NRG3: variants seen among roughly 807,000 people sequenced by gnomAD.
The protein encoded by NRG3 is neuregulin 3, also known as pro-neuregulin-3, membrane-bound isoform.
Under a neutral mutation model 66.9 loss-of-function variants are expected in NRG3, and 31 were observed. The observed-to-expected ratio is 0.46, with a 90% CI of 0.35 to 0.63. The LOEUF is 0.63. NRG3 is among the 20% of genes least tolerant of loss of function. The pLI is 0.00. For synonymous variants in NRG3, 393 were observed against 359.4 expected (o/e 1.09, Z -1.06); for missense variants, 910 against 878.9 (o/e 1.04, Z -0.45).
chr10:82,126,854 AT>A (rs1269752558), intron 1 of NRG3, among the ~76,000 whole-genome samples: 1 of 152,002 alleles, frequency 6.6e-6, no homozygotes, highest in African/African-American at 2.4e-5. Context: ...AGGGAGGCCT[AT>A]TTTGCTGGTT....
chr10:82,775,953 C>T lies in NRG3; in HGVS notation c.1027+37303C>T, dbSNP rs149679860. 2.9e-3 allele frequency among the ~76,000 whole-genome samples: 441 copies of T among 152,210 alleles called. 1 individual carries two copies. Among genetic ancestry groups the T allele is most frequent in the African/African-American group, 0.01 (425 of 41,542 alleles). ...TGACTTTTAACCTTCATAGTAGACACTTGAAATATTTACACATTGTCATTG... is the reference window on the plus strand; with the variant it reads ...TGACTTTTAACCTTCATAGTAGACATTTGAAATATTTACACATTGTCATTG... On this transcript the variant is annotated intron_variant, in intron 3 of 8. Coordinates refer to ENST00000372141, the MANE Select transcript of NRG3 (RefSeq NM_001010848.4).
chr10:82,420,661 C>A (rs1281252632), intron 2 of NRG3, among the ~76,000 whole-genome samples: 3 of 152,078 alleles, frequency 2.0e-5, no homozygotes, highest in Non-Finnish European at 4.4e-5. Context: ...ACCTCATCAT[C>A]CCACATCCAG....
chr10:82,897,109 T>C (rs1843726941), intron 4 of NRG3, among the ~76,000 whole-genome samples: 1 of 152,220 alleles, frequency 6.6e-6, no homozygotes, highest in African/African-American at 2.4e-5. Context: ...ATGGTTTGAA[T>C]GAAGCAAAAT....
rs889671743 is a variant in NRG3 at position 82,553,627 on chromosome 10, C to T, written c.954-184950C>T. On this transcript the variant is annotated intron_variant, in intron 2 of 8. Coordinates refer to ENST00000372141, the MANE Select transcript of NRG3 (RefSeq NM_001010848.4). ...ATAGAAGTGCCTTCATAGCTGAATG[C>T]GAAAGAATCCATGGACACTTATTTG... 5.9e-5 allele frequency among the ~76,000 whole-genome samples: 9 copies of T among 152,096 alleles called. No homozygotes were observed. The South Asian group carries it at 6.2e-4, about 11-fold the overall frequency.
At chr10:82,945,025 A>G (rs1011769103) in intron 4 of NRG3, among the ~76,000 whole-genome samples, 1 of 152,186 alleles carries the variant, frequency 6.6e-6, no homozygotes, top group Non-Finnish European at 1.5e-5. Context: ...ACAAGTCCCC[A>G]TGGACTAATT....
At position 82,202,339 on chromosome 10, in the gene NRG3, A is replaced by C. The variant is rs1234922930; in HGVS notation, c.824-156400A>C. Among the ~76,000 whole-genome samples the C allele has an allele frequency of 2.6e-5, 4 of 152,286 alleles. No homozygotes were observed. The East Asian group carries it at 7.7e-4, about 29-fold the overall frequency. On this transcript the variant is annotated intron_variant, in intron 1 of 8. Coordinates refer to ENST00000372141, the MANE Select transcript of NRG3 (RefSeq NM_001010848.4). ...GAATTTTAGTACATAGTTATTCCAG[A>C]TCATCATCTTATGGATTGAGGGGGT...
At chr10:82,719,790 G>C (rs1428653233) in intron 2 of NRG3, among the ~76,000 whole-genome samples, 5 of 152,248 alleles carry the variant, frequency 3.3e-5, no homozygotes, top group Middle Eastern at 3.4e-3. Context: ...TTCTTCAGCT[G>C]TGTAGTCAAT....
At chr10:82,629,793 G>T (rs1019435086) in intron 2 of NRG3, among the ~76,000 whole-genome samples, 2 of 152,178 alleles carry the variant, frequency 1.3e-5, no homozygotes, top group Non-Finnish European at 2.9e-5. Flanking sequence ...AGTTGGGATA[G>T]ATCTGTGAAG....
chr10:81,875,851 C>T lies in NRG3; in HGVS notation c.511C>T (p.His171Tyr). The change falls in exon 1 of 9, where the codon CAC becomes TAC. Residue 171 changes from histidine (H) to tyrosine (Y), a missense_variant. Physicochemically the swap from His to Tyr is moderately conservative, Grantham distance 83. Coordinates refer to ENST00000372141, the MANE Select transcript of NRG3 (RefSeq NM_001010848.4). This position sits in a 1 kb window ranked among gnomAD's most constrained non-coding sequence, Gnocchi z 5.3. ...ITRAPTRFPG[H>Y]RVPIRASPRS... ...GCGGGCGCCCACTCGCTTCCCCGGG[C>T]ACCGGGTGCCCATCCGGGCCAGCCC... The T allele has an allele frequency of 1.2e-6, 2 of 1,609,714 alleles. No individual in the cohort carries two copies. The highest frequency in any genetic ancestry group is 2.2e-5 in the South Asian group (2 of 91,016).
At chr10:82,925,507 T>C (rs954108541) in intron 4 of NRG3, among the ~76,000 whole-genome samples, 1 of 152,240 alleles carries the variant, frequency 6.6e-6, no homozygotes, top group African/African-American at 2.4e-5. Flanking sequence ...GTAGTTGTCA[T>C]TGCTATTGTT....
chr10:82,916,470 G>A (rs933400126), intron 4 of NRG3, among the ~76,000 whole-genome samples: 25 of 151,970 alleles, frequency 1.6e-4, no homozygotes, highest in African/African-American at 5.8e-4. Context: ...AAAAAGGTGG[G>A]GGAACAAAAA....
At chr10:82,562,669 G>T (rs369355052) in intron 2 of NRG3, among the ~76,000 whole-genome samples, 1 of 152,078 alleles carries the variant, frequency 6.6e-6, no homozygotes, top group African/African-American at 2.4e-5. Context: ...TATAGTAAAA[G>T]TTTTTTCTCA....
chr10:82,319,432 G>C (rs1302274467), intron 1 of NRG3, among the ~76,000 whole-genome samples: 1 of 152,180 alleles, frequency 6.6e-6, no homozygotes, highest in Admixed American at 6.5e-5. Flanking sequence ...CCGCCGAAAG[G>C]CAAATTGGTA....
rs145395833 is a variant in NRG3, at chr10:81,941,292, T to C, written c.823+65129T>C. ...GAATCTCACCACTAAAAATTGTGTT[T>C]AGTAATCACTTCTCCATCACCTAAA... On this transcript the variant is annotated intron_variant, in intron 1 of 8. Coordinates refer to ENST00000372141, the MANE Select transcript of NRG3 (RefSeq NM_001010848.4). Among the ~76,000 whole-genome samples, 824 of 152,238 alleles carry C rather than the reference T, an allele frequency of 5.4e-3. 15 individuals are homozygous for C. The highest frequency in any genetic ancestry group is 0.019 in the African/African-American group (802 of 41,558).
At chr10:82,534,480 G>T (rs1264743071) in intron 2 of NRG3, among the ~76,000 whole-genome samples, 1 of 152,002 alleles carries the variant, frequency 6.6e-6, no homozygotes, top group Admixed American at 6.6e-5. Flanking sequence ...GGCCAGGCTG[G>T]TCTCCAATTC....
At chr10:82,892,023 TC>T (rs1430273207) in intron 4 of NRG3, among the ~76,000 whole-genome samples, 1 of 152,126 alleles carries the variant, frequency 6.6e-6, no homozygotes, top group African/African-American at 2.4e-5. Context: ...ATATGATTTA[TC>T]CTTTAGTTTG....
At chr10:82,037,028 TC>T (rs1308440892) in intron 1 of NRG3, among the ~76,000 whole-genome samples, 3 of 152,136 alleles carry the variant, frequency 2.0e-5, no homozygotes. Context: ...TAGTTTCTGT[TC>T]CATTTAGGTG....
intron 3 of NRG3, among the ~76,000 whole-genome samples, chr10:82,774,946 C>A (rs192863616): frequency 4.9e-4 from 74 of 150,584 alleles, no homozygotes; most frequent in African/African-American, 1.8e-3. Flanking sequence ...CATGCCTCAG[C>A]CTCCTGAGTA....
chr10:82,300,483 C>G (rs562663579), intron 1 of NRG3, among the ~76,000 whole-genome samples: 27 of 152,260 alleles, frequency 1.8e-4, no homozygotes, highest in African/African-American at 6.0e-4. Flanking sequence ...TCATTACACT[C>G]TTGCCATAAT....
Sources: allele counts gnomAD v4.1 joint callset (sites outside exome capture counted in the v4.1 genomes callset), GRCh38; gene constraint gnomAD v4.1.1; non-coding constraint Gnocchi (gnomAD v3.1); transcripts MANE v1.5; gene names NCBI Gene and HGNC (gene_info 2026-07-23, HGNC 2026-07-21).